The following ASTN2 variants were observed in gnomAD, a reference collection of about 807,000 sequenced individuals.
ASTN2 encodes the protein astrotactin-2.
Under a neutral mutation model 139.8 loss-of-function variants are expected in ASTN2, and 54 were observed. The observed-to-expected ratio is 0.39, with a 90% confidence interval of 0.31 to 0.48. The LOEUF (loss-of-function observed/expected upper bound fraction) is 0.48. Among genes scored for constraint, ASTN2 ranks in the 20% least tolerant of loss-of-function variants. The pLI is 0.95. For synonymous variants in ASTN2, 756 were observed against 719.5 expected (o/e 1.05, Z -0.81); for missense variants, 1,565 against 1,725.1 (o/e 0.91, Z 1.64).
chr9:116,813,971 G>T (rs942457306), intron 12 of ASTN2, among the ~76,000 whole-genome samples: 6 of 151,650 alleles, frequency 4.0e-5, no homozygotes, highest in Non-Finnish European at 8.8e-5. Context: ...GGGAGGAGGT[G>T]GTTGCGGTGA....
intron 2 of ASTN2, among the ~76,000 whole-genome samples, chr9:117,245,797 G>A (rs1288559026): frequency 6.6e-6 from 1 of 152,046 alleles, no homozygotes; most frequent in Non-Finnish European, 1.5e-5. Context: ...TCTTTGCCTA[G>A]CTAATTCCTT....
intron 10 of ASTN2, among the ~76,000 whole-genome samples, chr9:116,964,216 GGTGTGTGTGTGTGTGT>G (rs56209166): frequency 3.6e-5 from 5 of 140,708 alleles, no homozygotes; most frequent in Non-Finnish European, 6.1e-5. Flanking sequence ...ACTGCCCTGG[GGTGTGTGTGTGTGTGT>G]GTGTGTGTGT....
chr9:117,243,435 G>A (rs760300681), intron 2 of ASTN2, among the ~76,000 whole-genome samples: 14 of 152,180 alleles, frequency 9.2e-5, no homozygotes, highest in Non-Finnish European at 1.6e-4. Flanking sequence ...GTACAGAATC[G>A]TTTAAAATAG....
chr9:117,132,193 T>C lies in ASTN2; in HGVS notation c.1168+9133A>G, dbSNP rs77973522. ...AAAACCTTGCAGCTCCTACTTCTGC[T>C]GTTTTTGGATCTCCCAGGCATGTGA... is the stretch of plus-strand genomic sequence containing the variant. On this transcript the variant is annotated intron_variant, in intron 4 of 22. Transcript: ENST00000313400. 3.4e-3 allele frequency among the ~76,000 whole-genome samples: 518 copies of C among 152,284 alleles called. 12 individuals carry two copies. The East Asian group carries it at 0.06, about 18-fold the overall frequency.
chr9:117,018,525 G>A (rs1010364367), intron 6 of ASTN2, among the ~76,000 whole-genome samples: 4 of 152,136 alleles, frequency 2.6e-5, no homozygotes, highest in Non-Finnish European at 5.9e-5. Context: ...GTCAGTGTGT[G>A]TATGTTTGTA....
At chr9:117,146,472 A>C (rs970816972) in intron 3 of ASTN2, among the ~76,000 whole-genome samples, 1 of 88,714 alleles carries the variant, frequency 1.1e-5, no homozygotes, top group African/African-American at 4.2e-5. Flanking sequence ...ATGGAAGAGG[A>C]GAGAAAAAAA....
rs1847867633 is a variant in ASTN2, at chr9:116,442,443, G to A, written c.3598+10C>T. 6.2e-7 allele frequency: 1 copy of A among 1,612,600 alleles called. No individual in the cohort carries two copies. The highest frequency in any genetic ancestry group is 1.1e-5 in the South Asian group (1 of 91,038). ...GAGTTACTTTGGAGTTGAAAAACTG[G>A]GTTACCTACCTTCTGCCTTGTTGTC... is the stretch of plus-strand genomic sequence containing the variant. On this transcript the variant is annotated intron_variant, in intron 21 of 22. Coordinates refer to ENST00000313400, the MANE Select transcript of ASTN2 (RefSeq NM_001365068.1).
chr9:116,890,016 T>C (rs909795262), intron 10 of ASTN2, among the ~76,000 whole-genome samples: 2 of 152,190 alleles, frequency 1.3e-5, no homozygotes, highest in African/African-American at 4.8e-5. Context: ...CTCCTCCTTA[T>C]TTTTCCAGAT....
At chr9:116,904,113 T>G (rs138800629) in intron 10 of ASTN2, among the ~76,000 whole-genome samples, 141 of 152,314 alleles carry the variant, frequency 9.3e-4, no homozygotes, top group African/African-American at 3.3e-3. Context: ...GTGTTGTATG[T>G]CCCTCTCATT....
chr9:117,381,123 AAAG>A (rs895970406), intron 1 of ASTN2, among the ~76,000 whole-genome samples: 1 of 152,224 alleles, frequency 6.6e-6, no homozygotes, highest in Admixed American at 6.5e-5. Flanking sequence ...TTTCTAGGTG[AAAG>A]AAGGTCACAA....
intron 2 of ASTN2, among the ~76,000 whole-genome samples, chr9:117,222,972 T>A (rs1029185): frequency 0.34 from 52,245 of 152,058 alleles, 9,174 homozygotes; most frequent in East Asian, 0.46. Flanking sequence ...TGGGGGCAAT[T>A]CCCAATAAAC....
chr9:116,864,554 G>A (rs1832970904), intron 10 of ASTN2, among the ~76,000 whole-genome samples: 1 of 152,200 alleles, frequency 6.6e-6, no homozygotes, highest in South Asian at 2.1e-4. Flanking sequence ...CTCTGATGCT[G>A]TCTTCTGCAG....
intron 2 of ASTN2, among the ~76,000 whole-genome samples, chr9:117,266,362 A>C (rs1274017182): frequency 6.6e-6 from 1 of 152,192 alleles, no homozygotes; most frequent in Admixed American, 6.5e-5. Flanking sequence ...GTTACAAAAT[A>C]TATCTTCACC....
chr9:117,047,923 A>C (rs1838792587), intron 5 of ASTN2, among the ~76,000 whole-genome samples: 2 of 152,174 alleles, frequency 1.3e-5, no homozygotes, highest in South Asian at 4.1e-4. Flanking sequence ...AGACAATAGA[A>C]CTAAATTTTT....
chr9:116,757,747 G>C (rs989576018), intron 13 of ASTN2, among the ~76,000 whole-genome samples: 76 of 152,210 alleles, frequency 5.0e-4, no homozygotes, highest in African/African-American at 1.7e-3. Context: ...CCGCACATAG[G>C]ACAGGGCCTG....
chr9:117,308,687 C>T lies in ASTN2; in HGVS notation c.443-17174G>A, dbSNP rs752757459. Reference sequence around the variant, plus strand: ...GAACAAAAGGAGAAATAGAGTAGGACAGGAGAATGGACAGGATTGGCAAGA... The same window carrying T: ...GAACAAAAGGAGAAATAGAGTAGGATAGGAGAATGGACAGGATTGGCAAGA... On this transcript the variant is annotated intron_variant, in intron 1 of 22. Transcript: ENST00000313400. 3.4e-5 allele frequency among the ~76,000 whole-genome samples: 5 copies of T among 147,124 alleles called. No homozygotes were observed. In the East Asian group the frequency reaches 8.4e-4, roughly 25 times the overall value.
intron 2 of ASTN2, among the ~76,000 whole-genome samples, chr9:117,234,634 G>T (rs947403902): frequency 7.2e-5 from 11 of 152,198 alleles, no homozygotes; most frequent in Admixed American, 4.6e-4. Context: ...CCATAAAAGA[G>T]GCGCTGCTCC....
rs958473219 is a variant in ASTN2, at chr9:116,788,650, G to A, written c.2396+16982C>T. Among the ~76,000 whole-genome samples, 6 of 152,086 alleles carry A rather than the reference G, an allele frequency of 3.9e-5. No homozygotes were observed. In the East Asian group the frequency reaches 9.7e-4, roughly 24 times the overall value. On this transcript the variant is annotated intron_variant, in intron 13 of 22. Transcript: ENST00000313400. ...AATCCACTAACATCATGCATTCTCA[G>A]TAGTCGCAGAAATTGTCTTAGACAA...
chr9:116,473,134 G>C (rs922241021), intron 20 of ASTN2, among the ~76,000 whole-genome samples: 15 of 152,238 alleles, frequency 9.9e-5, no homozygotes, highest in South Asian at 6.2e-4. Context: ...TTTGATAAAT[G>C]GTACATGATG....
Sources: allele counts gnomAD v4.1 joint callset (sites outside exome capture counted in the v4.1 genomes callset), GRCh38; gene constraint gnomAD v4.1.1; transcripts MANE v1.5; gene names NCBI Gene and HGNC (gene_info 2026-07-23, HGNC 2026-07-21).